Variants in ERG observed in about 807,000 individuals in gnomAD.
ERG encodes the protein transcriptional regulator ERG.
ERG carries 9 observed loss-of-function variants against 55.3 expected under a neutral mutation model. The ratio of observed to expected loss-of-function variants is 0.16; its 90% confidence interval spans 0.10 to 0.28. ERG has a LOEUF of 0.28. Ranked by LOEUF, ERG falls within the 10% of genes least tolerant of loss-of-function variation. ERG has a pLI of 1.00. For synonymous variants in ERG, 223 were observed against 237.3 expected, an observed-to-expected ratio of 0.94 and a Z score of 0.55; for missense variants, 434 against 631.6, an observed-to-expected ratio of 0.69 and a Z score of 3.35.
chr21:38,579,188 C>T lies in ERG; in HGVS notation c.-126-3441G>A, dbSNP rs548045297. Among the ~76,000 whole-genome samples the T allele has an allele frequency of 3.3e-4, 51 of 152,298 alleles. 1 individual carries two copies. The highest frequency in any genetic ancestry group is 1.2e-3 in the Admixed American group (18 of 15,306). On this transcript the variant is annotated intron_variant, in intron 1 of 8. Coordinates refer to the ERG transcript ENST00000398897. ...CAAAAATCAAAACATCCTTGGATAT[C>T]CAAGACCGCAGCAACATCATAGAAG...
upstream of ERG, among the ~76,000 whole-genome samples, chr21:38,585,670 G>A (rs992739169): frequency 1.3e-5 from 2 of 150,272 alleles, no homozygotes; most frequent in African/African-American, 4.9e-5. Context: ...TGTTTCCGTT[G>A]AAAATATTTT....
At chr21:38,639,624 T>A (rs1392158009) in intron 1 of ERG, among the ~76,000 whole-genome samples, 1 of 152,152 alleles carries the variant, frequency 6.6e-6, no homozygotes, top group Non-Finnish European at 1.5e-5. Context: ...ACAAGGCACA[T>A]CTCTGTGACA....
intron 1 of ERG, among the ~76,000 whole-genome samples, chr21:38,652,120 C>T (rs996332540): frequency 3.9e-5 from 6 of 152,172 alleles, no homozygotes; most frequent in Non-Finnish European, 8.8e-5. Flanking sequence ...CTGGTCTGAT[C>T]CCTCCAACAC....
At chr21:38,377,180 T>C (rs1038123992), downstream of ERG, among the ~76,000 whole-genome samples, 1 of 152,222 alleles carries the variant, frequency 6.6e-6, no homozygotes, top group African/African-American at 2.4e-5. Context: ...GCAAGTTAAA[T>C]GAAAAAGATA....
At chr21:38,503,440 T>C (rs1212930991), upstream of ERG, among the ~76,000 whole-genome samples, 35 of 152,036 alleles carry the variant, frequency 2.3e-4, no homozygotes, top group Non-Finnish European at 4.4e-5. Context: ...TATGCGGCAT[T>C]AATCCATTCA....
intron 1 of ERG, among the ~76,000 whole-genome samples, chr21:38,606,519 G>T (rs73217979): frequency 0.2 from 30,480 of 152,120 alleles, 3,507 homozygotes; most frequent in Non-Finnish European, 0.26. Flanking sequence ...AAAATAAGTA[G>T]ATTTTAGTAG....
At chr21:38,536,912 A>G (rs1350365011) in intron 2 of ERG, among the ~76,000 whole-genome samples, 1 of 152,226 alleles carries the variant, frequency 6.6e-6, no homozygotes, top group Non-Finnish European at 1.5e-5. Flanking sequence ...GTGAGAGGAA[A>G]GTAAAATTCA....
At chr21:38,374,518 T>G in the ERG span, among the ~76,000 whole-genome samples, 2 of 152,226 alleles carry the variant, frequency 1.3e-5, no homozygotes, top group African/African-American at 4.8e-5. Context: ...TCCACATTCC[T>G]TTGTTACTAC....
chr21:38,579,433 G>C (rs1010784684), intron 1 of ERG, among the ~76,000 whole-genome samples: 1 of 152,192 alleles, frequency 6.6e-6, no homozygotes, highest in Non-Finnish European at 1.5e-5. Flanking sequence ...GAAGCGGTCA[G>C]TCCTGAGAGC....
intron 1 of ERG, among the ~76,000 whole-genome samples, chr21:38,611,545 C>G (rs1472665785): frequency 6.6e-6 from 1 of 152,156 alleles, no homozygotes; most frequent in Non-Finnish European, 1.5e-5. Flanking sequence ...GAATGTTCTT[C>G]CCCAGATAGC....
At chr21:38,565,785 T>C (rs1281908117) in intron 2 of ERG, among the ~76,000 whole-genome samples, 4 of 152,202 alleles carry the variant, frequency 2.6e-5, no homozygotes, top group Admixed American at 6.5e-5. Context: ...ACCACCTGAT[T>C]TGTAACTATT....
At chr21:38,411,631 C>T (rs978416389) in intron 3 of ERG, among the ~76,000 whole-genome samples, 11 of 152,066 alleles carry the variant, frequency 7.2e-5, no homozygotes, top group Admixed American at 2.6e-4. Context: ...TAAAAAGTTC[C>T]GGTTTGTTAC....
chr21:38,610,526 CGTGTGTGT>C (rs148197703), intron 1 of ERG, among the ~76,000 whole-genome samples: 5 of 150,498 alleles, frequency 3.3e-5, no homozygotes, highest in South Asian at 4.2e-4. Context: ...CGCGCACGCG[CGTGTGTGT>C]GTGTGTGTGT....
At chr21:38,367,912 G>C in the ERG span, among the ~76,000 whole-genome samples, 1 of 152,160 alleles carries the variant, frequency 6.6e-6, no homozygotes, top group Non-Finnish European at 1.5e-5. Context: ...CAACATTGCT[G>C]AACACTGCTC....
chr21:38,642,375 C>G (rs2060430490), intron 1 of ERG, among the ~76,000 whole-genome samples: 1 of 152,186 alleles, frequency 6.6e-6, no homozygotes, highest in South Asian at 2.1e-4. Flanking sequence ...ATTATTGACA[C>G]CATCTTCTAA....
At chr21:38,521,548 G>A (rs1304292011) in intron 2 of ERG, among the ~76,000 whole-genome samples, 2 of 152,244 alleles carry the variant, frequency 1.3e-5, no homozygotes, top group African/African-American at 2.4e-5. Context: ...CAGGGTGATT[G>A]GGAAAAATAG....
intron 2 of ERG, among the ~76,000 whole-genome samples, chr21:38,565,178 C>T (rs570794776): frequency 2.0e-5 from 3 of 152,236 alleles, no homozygotes; most frequent in South Asian, 2.1e-4. Context: ...AAAGTAGATC[C>T]CCAGTCTGAT....
chr21:38,394,882 G>C (rs560582067), intron 6 of ERG, among the ~76,000 whole-genome samples: 1 of 152,250 alleles, frequency 6.6e-6, no homozygotes, highest in African/African-American at 2.4e-5. Context: ...GCATCAGTAG[G>C]TTAGTCAGAT....
intron 2 of ERG, among the ~76,000 whole-genome samples, chr21:38,529,156 T>C (rs776221647): frequency 1.2e-4 from 18 of 152,096 alleles, no homozygotes; most frequent in Non-Finnish European, 2.5e-4. Flanking sequence ...TTGGATTTTA[T>C]CCACATTGCC....
Sources: allele counts gnomAD v4.1 joint callset (sites outside exome capture counted in the v4.1 genomes callset), GRCh38; gene constraint gnomAD v4.1.1; transcripts MANE v1.5; gene names NCBI Gene and HGNC (gene_info 2026-07-23, HGNC 2026-07-21).